KCTD16: variants seen among roughly 807,000 people sequenced by gnomAD.
KCTD16 encodes the protein potassium channel tetramerization domain containing 16.
In KCTD16, 13 loss-of-function variants were observed where a neutral mutation model predicts 33.2. The observed-to-expected ratio is 0.39, with a 90% CI of 0.25 to 0.62. The LOEUF is 0.62. Ranked by LOEUF, KCTD16 falls within the 20% of genes least tolerant of loss-of-function variation. KCTD16 has a pLI of 0.50. For missense variants in KCTD16, 441 were observed against 525.1 expected, an observed-to-expected ratio of 0.84 and a Z score of 1.57; for synonymous variants, 197 against 195.3, an observed-to-expected ratio of 1.01 and a Z score of -0.07.
intron 3 of KCTD16, among the ~76,000 whole-genome samples, chr5:144,366,381 C>T (rs1751834384): frequency 6.6e-6 from 1 of 152,190 alleles, no homozygotes; most frequent in African/African-American, 2.4e-5. Flanking sequence ...CCATACATTA[C>T]ATATGCAAGC....
chr5:144,208,571 C>T (rs1449662743), intron 3 of KCTD16, among the ~76,000 whole-genome samples: 1 of 152,170 alleles, frequency 6.6e-6, no homozygotes, highest in Non-Finnish European at 1.5e-5. Flanking sequence ...CATTTGATTT[C>T]CTCTATTCTT....
chr5:144,254,123 T>A (rs1754777520), intron 3 of KCTD16, among the ~76,000 whole-genome samples: 2 of 142,346 alleles, frequency 1.4e-5, no homozygotes, highest in African/African-American at 5.0e-5. Context: ...AAATGCATAT[T>A]CTTTTTTTTT....
At chr5:144,204,288 C>T (rs1753110339) in intron 2 of KCTD16, among the ~76,000 whole-genome samples, 1 of 152,130 alleles carries the variant, frequency 6.6e-6, no homozygotes, top group Non-Finnish European at 1.5e-5. Context: ...GCGTGTGCCT[C>T]ACATATATTA....
chr5:144,329,372 G>A (rs115627534), intron 3 of KCTD16, among the ~76,000 whole-genome samples: 1 of 152,152 alleles, frequency 6.6e-6, no homozygotes, highest in African/African-American at 2.4e-5. Context: ...AAGAGGAGAT[G>A]GTCCTCCTGA....
chr5:144,354,197 A>G (rs572651956), intron 3 of KCTD16, among the ~76,000 whole-genome samples: 71 of 152,298 alleles, frequency 4.7e-4, no homozygotes, highest in African/African-American at 1.7e-3. Flanking sequence ...ATCACTTAAT[A>G]TATCATAGAC....
chr5:144,233,609 G>A (rs959798651), intron 3 of KCTD16, among the ~76,000 whole-genome samples: 1 of 152,030 alleles, frequency 6.6e-6, no homozygotes, highest in Admixed American at 6.6e-5. Flanking sequence ...TTTAAGTTCT[G>A]TCCATCATAG....
At chr5:144,455,494 G>T (rs753275081) in intron 3 of KCTD16, among the ~76,000 whole-genome samples, 1 of 152,184 alleles carries the variant, frequency 6.6e-6, no homozygotes, top group Non-Finnish European at 1.5e-5. Context: ...AAAGAAGAAA[G>T]TTCAATGAAG....
At chr5:144,252,341 A>G (rs1378572953) in intron 3 of KCTD16, among the ~76,000 whole-genome samples, 3 of 152,194 alleles carry the variant, frequency 2.0e-5, no homozygotes, top group African/African-American at 7.2e-5. Context: ...GGGGCTATCT[A>G]AAACCAAAGC....
At chr5:144,422,225 G>T (rs1753227755) in intron 3 of KCTD16, among the ~76,000 whole-genome samples, 1 of 152,120 alleles carries the variant, frequency 6.6e-6, no homozygotes, top group African/African-American at 2.4e-5. Context: ...CAAGGCTGTG[G>T]TCTAGTATTT....
chr5:144,248,258 A>G (rs953782171), intron 3 of KCTD16, among the ~76,000 whole-genome samples: 1 of 152,226 alleles, frequency 6.6e-6, no homozygotes, highest in African/African-American at 2.4e-5. Context: ...CAATTTCAGT[A>G]AAATCTTGAA....
At chr5:144,441,491 T>C (rs1753706843) in intron 3 of KCTD16, among the ~76,000 whole-genome samples, 1 of 152,108 alleles carries the variant, frequency 6.6e-6, no homozygotes, top group African/African-American at 2.4e-5. Context: ...CTTAAGTTAC[T>C]TTTTGTTTAT....
chr5:144,361,906 TTGTG>T (rs3996310), intron 3 of KCTD16, among the ~76,000 whole-genome samples: 9,690 of 143,636 alleles, frequency 0.067, 493 homozygotes, highest in East Asian at 0.2. Context: ...TGGTGTTATT[TTGTG>T]TGTGTGTGTG....
rs530363354 is a variant in KCTD16 at position 144,340,976 on chromosome 5, T to C, written c.833-132684T>C. Among the ~76,000 whole-genome samples, 4 of 151,676 alleles carry C rather than the reference T, an allele frequency of 2.6e-5. No homozygotes were observed. In the East Asian group the frequency reaches 7.8e-4, roughly 29 times the overall value. Reference sequence around the variant, plus strand: ...AGGAGAATCGCTTGAACCCAGGAGGTAGAGGTTGCAGTGAGCCGAGATTGT... The same window carrying C: ...AGGAGAATCGCTTGAACCCAGGAGGCAGAGGTTGCAGTGAGCCGAGATTGT... On this transcript the variant is annotated intron_variant, in intron 3 of 3. Coordinates refer to ENST00000512467, the MANE Select transcript of KCTD16 (RefSeq NM_020768.4).
chr5:144,413,366 T>TAA (rs967851017), intron 3 of KCTD16, among the ~76,000 whole-genome samples: 2 of 152,226 alleles, frequency 1.3e-5, no homozygotes, highest in Non-Finnish European at 2.9e-5. Context: ...TTCTGTTGGT[T>TAA]AAGCCATCTA....
chr5:144,409,181 A>G (rs1039134674), intron 3 of KCTD16, among the ~76,000 whole-genome samples: 1 of 152,210 alleles, frequency 6.6e-6, no homozygotes, highest in African/African-American at 2.4e-5. Flanking sequence ...GAACAGAGTT[A>G]GTTCCTAGAA....
intron 3 of KCTD16, among the ~76,000 whole-genome samples, chr5:144,278,559 G>A (rs1433148129): frequency 4.1e-5 from 6 of 147,080 alleles, no homozygotes; most frequent in Admixed American, 1.4e-4. Context: ...CTGCAGTGGC[G>A]CAATCTTGGC....
At chr5:144,440,406 G>A (rs1753679003) in intron 3 of KCTD16, among the ~76,000 whole-genome samples, 2 of 152,130 alleles carry the variant, frequency 1.3e-5, no homozygotes, top group South Asian at 4.1e-4. Flanking sequence ...CTGAAAAACT[G>A]TTTTCCAAAT....
At chr5:144,240,853 C>T (rs1754382808) in intron 3 of KCTD16, among the ~76,000 whole-genome samples, 1 of 152,122 alleles carries the variant, frequency 6.6e-6, no homozygotes. Flanking sequence ...GCGGTTTGCT[C>T]TTCTCAGTGC....
At chr5:144,392,591 G>T (rs1403402200) in intron 3 of KCTD16, among the ~76,000 whole-genome samples, 1 of 152,194 alleles carries the variant, frequency 6.6e-6, no homozygotes, top group Non-Finnish European at 1.5e-5. Flanking sequence ...AATGTGGATG[G>T]CTGCGGTTGG....
Sources: gnomAD v4.1 joint callset for allele counts (sites outside exome capture counted in the v4.1 genomes callset) on GRCh38, gnomAD v4.1.1 for gene constraint, MANE v1.5 for transcripts, NCBI Gene and HGNC (gene_info 2026-07-23, HGNC 2026-07-21) for gene names.